Variants in PDE12 observed in about 807,000 individuals in gnomAD.
The protein encoded by PDE12 is phosphodiesterase 12, also known as 2',5'-phosphodiesterase 12.
A neutral mutation model predicts 45.4 loss-of-function variants in PDE12; 26 were observed. That is an observed-to-expected ratio of 0.57 (90% confidence interval 0.42 to 0.79). PDE12 has a LOEUF of 0.79. Ranked by LOEUF, PDE12 falls within the 30% of genes least tolerant of loss-of-function variation. The pLI, the probability that PDE12 is intolerant of heterozygous loss-of-function variation, is 0.00. For synonymous variants in PDE12, 283 were observed against 323.9 expected (o/e 0.87, Z 1.36); for missense variants, 668 against 790.0 (o/e 0.85, Z 1.85).
chr3:57,557,662 T>G lies in PDE12; in HGVS notation c.1283T>G (p.Val428Gly). Residue 428 changes from valine (V) to glycine (G), a missense_variant, in exon 1 of 3, where the codon GTG becomes GGG. Coordinates refer to ENST00000311180, the MANE Select transcript of PDE12 (RefSeq NM_177966.7). ...TTGTACCCATCAGCGCAGGAGAAGG[T>G]GCTCCAGAGATCTTCTGTTCTTCAG... ...LVLYPSAQEK[V>G]LQRSSVLQVS... 6.2e-7 allele frequency: 1 copy of G among 1,613,984 alleles called. No homozygotes were observed. The highest frequency in any genetic ancestry group is 8.5e-7 in the Non-Finnish European group (1 of 1,179,948).
At chr3:57,633,891 C>CAA in the PDE12 span, among the ~76,000 whole-genome samples, 4 of 130,908 alleles carry the variant, frequency 3.1e-5, no homozygotes, top group African/African-American at 8.5e-5. Flanking sequence ...AACTCCATCT[C>CAA]AAAAAAAAAA....
chr3:57,616,351 AAGGAGGAGG>A, the PDE12 span, among the ~76,000 whole-genome samples: 2 of 149,294 alleles, frequency 1.3e-5, no homozygotes, highest in African/African-American at 4.9e-5. Context: ...AGAAGAAGAA[AAGGAGGAGG>A]AGGAGGAGGA....
At chr3:57,597,407 G>A in the PDE12 span, 1 of 326,188 alleles carries the variant, frequency 3.1e-6, no homozygotes, top group Non-Finnish European at 5.8e-6. Flanking sequence ...GGCGGCCGCG[G>A]CGACTCCAGC....
At chr3:57,623,654 G>A in the PDE12 span, among the ~76,000 whole-genome samples, 5 of 152,198 alleles carry the variant, frequency 3.3e-5, no homozygotes, top group Admixed American at 1.3e-4. Context: ...ACTTCAGCCT[G>A]GGTGACAGAG....
the PDE12 span, among the ~76,000 whole-genome samples, chr3:57,647,115 C>G: frequency 2.6e-5 from 4 of 152,072 alleles, no homozygotes; most frequent in Admixed American, 6.5e-5. Context: ...GGGGGAAAAT[C>G]TTATCTATTT....
the PDE12 span, among the ~76,000 whole-genome samples, chr3:57,579,752 A>T: frequency 6.6e-6 from 1 of 152,132 alleles, no homozygotes; most frequent in Non-Finnish European, 1.5e-5. Context: ...CTTAATTTTT[A>T]AATTTTATTT....
chr3:57,559,425 G>A (rs775601384), intron 2 of PDE12, 37 bp downstream of exon 2: 8 of 1,544,822 alleles, frequency 5.2e-6, no homozygotes, highest in African/African-American at 1.8e-5. Flanking sequence ...ACTTAAACAC[G>A]CTTAAAGTTG....
chr3:57,614,537 GTT>G, the PDE12 span, among the ~76,000 whole-genome samples: 38 of 95,058 alleles, frequency 4.0e-4, no homozygotes, highest in Admixed American at 7.1e-4. Context: ...TTTTTTTTTT[GTT>G]TTTTGTTTTT....
At chr3:57,616,393 A>G in the PDE12 span, among the ~76,000 whole-genome samples, 30 of 151,352 alleles carry the variant, frequency 2.0e-4, 1 homozygote, top group South Asian at 6.3e-3. Context: ...GAGGAGAAGG[A>G]GAAGAAGAAG....
chr3:57,595,773 A>AC, the PDE12 span, among the ~76,000 whole-genome samples: 1 of 151,868 alleles, frequency 6.6e-6, no homozygotes, highest in African/African-American at 2.4e-5. Flanking sequence ...ACGTGGTGAA[A>AC]CCCCCGTCTC....
chr3:57,558,096 C>T (rs2069686469), intron 1 of PDE12, among the ~76,000 whole-genome samples: 1 of 152,070 alleles, frequency 6.6e-6, no homozygotes. Context: ...TTTTTTAAAT[C>T]ATAGGCTCAT....
the PDE12 span, among the ~76,000 whole-genome samples, chr3:57,574,516 C>T: frequency 6.6e-6 from 1 of 151,348 alleles, no homozygotes; most frequent in African/African-American, 2.4e-5. Context: ...TTCAAACAGT[C>T]CTCCCACCTC....
chr3:57,625,527 C>G, the PDE12 span: 4 of 152,548 alleles, frequency 2.6e-5, no homozygotes, highest in East Asian at 1.9e-4. Flanking sequence ...CTCTTTTTCA[C>G]TGTAAATAGA....
chr3:57,642,723 G>A, the PDE12 span, among the ~76,000 whole-genome samples: 33 of 152,064 alleles, frequency 2.2e-4, no homozygotes, highest in African/African-American at 7.7e-4. Flanking sequence ...AAGATCAATC[G>A]GCCAGGCGCG....
chr3:57,605,469 G>A, the PDE12 span, among the ~76,000 whole-genome samples: 1 of 152,128 alleles, frequency 6.6e-6, no homozygotes, highest in African/African-American at 2.4e-5. Context: ...CTGTGGGACA[G>A]TGGGTAGAGT....
chr3:57,590,083 C>G, the PDE12 span, among the ~76,000 whole-genome samples: 1 of 132,896 alleles, frequency 7.5e-6, no homozygotes, highest in Non-Finnish European at 1.6e-5. Context: ...GACCAAGACT[C>G]TGTCTCAATA....
chr3:57,645,776 T>C, the PDE12 span: 3 of 1,580,662 alleles, frequency 1.9e-6, no homozygotes, highest in Non-Finnish European at 2.6e-6. Context: ...AGGAAGAACA[T>C]GTAAAATAAA....
the PDE12 span, chr3:57,596,804 A>G: frequency 1.2e-5 from 5 of 433,462 alleles, no homozygotes; most frequent in African/African-American, 8.2e-5. Flanking sequence ...AATGTTGTCC[A>G]GCTTTCAATA....
the PDE12 span, chr3:57,572,183 C>T: frequency 3.8e-6 from 6 of 1,578,858 alleles, no homozygotes; most frequent in Non-Finnish European, 5.2e-6. Context: ...TTTTATCAAA[C>T]ATGTCCTTGG....
Sources: gnomAD v4.1 joint callset for allele counts (sites outside exome capture counted in the v4.1 genomes callset) on GRCh38, gnomAD v4.1.1 for gene constraint, MANE v1.5 for transcripts, NCBI Gene and HGNC (gene_info 2026-07-23, HGNC 2026-07-21) for gene names.